Variants in DMD observed in about 807,000 individuals in gnomAD.
DMD encodes dystrophin.
DMD carries 63 observed loss-of-function variants against 330.1 expected under a neutral mutation model. The observed-to-expected ratio is 0.19, with a 90% CI of 0.16 to 0.24. The LOEUF (loss-of-function observed/expected upper bound fraction) is 0.24, where lower values mean the gene tolerates loss of function less well. Among genes scored for constraint, DMD ranks in the 10% least tolerant of loss-of-function variants. The pLI is 1.00. For missense variants in DMD, 3,344 were observed against 2,684.1 expected, an observed-to-expected ratio of 1.25 and a Z score of -5.43; for synonymous variants, 1,223 against 959.8, an observed-to-expected ratio of 1.27 and a Z score of -5.07.
intron 1 of DMD, among the ~76,000 whole-genome samples, chrX:33,240,578 C>A (rs2052571820): frequency 8.9e-6 from 1 of 111,897 alleles, no homozygotes; most frequent in Non-Finnish European, 1.9e-5. Context: ...CGGTATATAG[C>A]CAGTAGTGGG....
At chrX:31,787,184 C>T (rs1197162457) in intron 50 of DMD, among the ~76,000 whole-genome samples, 1 of 110,618 alleles carries the variant, frequency 9.0e-6, no homozygotes. Context: ...CCAGCCTGAT[C>T]ATTATGGTGA....
intron 55 of DMD, among the ~76,000 whole-genome samples, chrX:31,602,343 A>G (rs761786163): frequency 1.3e-3 from 135 of 104,934 alleles, no homozygotes; most frequent in African/African-American, 4.3e-3. Flanking sequence ...TTTTTTAAAC[A>G]CCTTGAAAGC....
chrX:31,927,979 C>A (rs2094802680), intron 47 of DMD, among the ~76,000 whole-genome samples: 1 of 111,605 alleles, frequency 9.0e-6, no homozygotes, highest in African/African-American at 3.3e-5. Context: ...CCAAGGCAAT[C>A]TTGAATAGGA....
At chrX:31,209,880 G>C (rs1015701697) in intron 64 of DMD, among the ~76,000 whole-genome samples, 181 bp from the exon 65 acceptor site, 1 of 111,513 alleles carries the variant, frequency 9.0e-6, no homozygotes, top group Non-Finnish European at 1.9e-5. Context: ...TGATGAGTTT[G>C]ATCAGTATTC....
intron 37 of DMD, among the ~76,000 whole-genome samples, chrX:32,354,767 C>T (rs1308081677): frequency 9.0e-6 from 1 of 111,120 alleles, no homozygotes; most frequent in Non-Finnish European, 1.9e-5. Flanking sequence ...GAGGATATTA[C>T]CCAGTAGATT....
chrX:32,322,550 G>A (rs769506228), intron 41 of DMD, among the ~76,000 whole-genome samples: 4 of 110,747 alleles, frequency 3.6e-5, no homozygotes, highest in Non-Finnish European at 5.7e-5. Flanking sequence ...GCAATAGCAA[G>A]ACCCTGTCTC....
At chrX:31,772,904 A>G (rs1188025216) in intron 51 of DMD, among the ~76,000 whole-genome samples, 2 of 112,150 alleles carry the variant, frequency 1.8e-5, no homozygotes, top group Admixed American at 1.9e-4. Context: ...CTCTGTACTC[A>G]GAATAGGAAA....
intron 37 of DMD, among the ~76,000 whole-genome samples, chrX:32,361,522 A>G (rs745942437): frequency 5.5e-4 from 62 of 111,980 alleles, no homozygotes; most frequent in Non-Finnish European, 8.7e-4. Flanking sequence ...AATTAAGGTA[A>G]ACTAACAACT....
rs2094595614 is a variant in DMD, at chrX:33,062,621, C to T, written c.32-42421G>A. ...CCTCCCGAGTAGCTGGGATCACAGG[C>T]GTGCGCCACTACGCCTGGCTGGTTT... On this transcript the variant is annotated intron_variant, in intron 1 of 78. Transcript: ENST00000357033. Among the ~76,000 whole-genome samples the T allele has an allele frequency of 2.7e-5, 3 of 111,892 alleles. No individual in the cohort carries two copies. The South Asian group carries it at 1.1e-3, about 41-fold the overall frequency.
rs1481124138 is a variant in DMD at position 33,026,885 on chromosome X, A to C, written c.32-6685T>G. On this transcript the variant is annotated intron_variant, in intron 1 of 78. Coordinates refer to ENST00000357033, the MANE Select transcript of DMD (RefSeq NM_004006.3). ...CATTTCCAAGAGAGTGACTGTCTGG[A>C]TCAGAGCTGTAATCCCAGCACTTAG... 1.8e-5 allele frequency among the ~76,000 whole-genome samples: 2 copies of C among 112,225 alleles called. 1 individual carries two copies. Among genetic ancestry groups the C allele is most frequent in the Admixed American group, 1.9e-4 (2 of 10,586 alleles).
intron 63 of DMD, among the ~76,000 whole-genome samples, chrX:31,245,091 TC>T (rs1053350397): frequency 4.5e-5 from 5 of 111,894 alleles, no homozygotes; most frequent in African/African-American, 1.6e-4. Context: ...GGGTCTTATT[TC>T]TCCTTATCAA....
At chrX:32,297,708 T>A (rs186252118) in intron 42 of DMD, among the ~76,000 whole-genome samples, 2 of 111,708 alleles carry the variant, frequency 1.8e-5, no homozygotes, top group Admixed American at 1.9e-4. Flanking sequence ...CTCAGTTAGA[T>A]AGTGGTTAAG....
intron 9 of DMD, among the ~76,000 whole-genome samples, chrX:32,655,961 CCCCTG>C (rs1204664147): frequency 9.3e-6 from 1 of 107,335 alleles, no homozygotes; most frequent in Non-Finnish European, 1.9e-5. Flanking sequence ...AGGATTGCAA[CCCCTG>C]CCTTTTTTTG....
chrX:33,192,416 G>A (rs1035700488), intron 1 of DMD, among the ~76,000 whole-genome samples: 1 of 112,048 alleles, frequency 8.9e-6, no homozygotes, highest in Non-Finnish European at 1.9e-5. Flanking sequence ...TGTACTCATC[G>A]ACTGAGCACT....
rs1336948277 is a variant in DMD at position 33,099,076 on chromosome X, A to G, written c.32-78876T>C. On this transcript the variant is annotated intron_variant, in intron 1 of 78. Transcript: ENST00000357033. ...TGTGGGAACTAAGAACATAAAGTAC[A>G]TTGATTTCTTTATTACGGCTAGTAG... is the stretch of plus-strand genomic sequence containing the variant. Among the ~76,000 whole-genome samples the G allele has an allele frequency of 8.0e-5, 9 of 112,363 alleles. No individual in the cohort carries two copies. In the East Asian group the frequency reaches 2.0e-3, roughly 25 times the overall value.
intron 61 of DMD, among the ~76,000 whole-genome samples, chrX:31,330,789 C>G (rs779657465): frequency 9.0e-6 from 1 of 111,552 alleles, no homozygotes; most frequent in South Asian, 3.7e-4. Flanking sequence ...TGTAATTTTT[C>G]CCATTCCAAT....
At chrX:31,537,950 G>A (rs2073531668) in intron 55 of DMD, among the ~76,000 whole-genome samples, 1 of 112,235 alleles carries the variant, frequency 8.9e-6, no homozygotes, top group African/African-American at 3.2e-5. Context: ...TGGATATCAT[G>A]CAGGCCTTTA....
At chrX:33,152,942 C>G (rs2048347595) in intron 1 of DMD, among the ~76,000 whole-genome samples, 1 of 112,167 alleles carries the variant, frequency 8.9e-6, no homozygotes, top group Non-Finnish European at 1.9e-5. Context: ...AGACAGAAGG[C>G]AATACATTTT....
intron 44 of DMD, among the ~76,000 whole-genome samples, chrX:32,115,353 G>A (rs752010791): frequency 1.8e-5 from 2 of 111,105 alleles, no homozygotes; most frequent in Admixed American, 9.6e-5. Context: ...CTTCAGCCTC[G>A]GCCTCCTGAG....
Sources: gnomAD v4.1 joint callset for allele counts (sites outside exome capture counted in the v4.1 genomes callset) on GRCh38, gnomAD v4.1.1 for gene constraint, MANE v1.5 for transcripts, NCBI Gene and HGNC (gene_info 2026-07-23, HGNC 2026-07-21) for gene names.